The following CSMD3 variants were observed in gnomAD, a reference collection of about 807,000 sequenced individuals.
The protein encoded by CSMD3 is CUB and sushi domain-containing protein 3.
Under a neutral mutation model 435.2 loss-of-function variants are expected in CSMD3, and 177 were observed. That is an observed-to-expected ratio of 0.41 (90% CI 0.36 to 0.46). The LOEUF (loss-of-function observed/expected upper bound fraction) is 0.46, where lower values mean the gene tolerates loss of function less well. Ranked by LOEUF, CSMD3 falls within the 20% of genes least tolerant of loss-of-function variation. CSMD3 has a pLI of 0.34. For missense variants in CSMD3, 4,265 were observed against 4,504.6 expected (o/e 0.95, Z 1.52); for synonymous variants, 1,656 against 1,520.5 (o/e 1.09, Z -2.07).
At chr8:112,779,855 C>G (rs1019177486) in intron 13 of CSMD3, among the ~76,000 whole-genome samples, 22 of 152,052 alleles carry the variant, frequency 1.4e-4, no homozygotes, top group Non-Finnish European at 2.9e-5. Context: ...CTGATCTCCT[C>G]TGCTGTTAAA....
chr8:112,701,441 C>T (rs1024233174), intron 13 of CSMD3, among the ~76,000 whole-genome samples: 3 of 152,064 alleles, frequency 2.0e-5, no homozygotes, highest in African/African-American at 7.2e-5. Flanking sequence ...AATAGCTCAA[C>T]TGAGATTCTA....
At chr8:112,916,759 G>C (rs185256100) in intron 10 of CSMD3, among the ~76,000 whole-genome samples, 2 of 151,948 alleles carry the variant, frequency 1.3e-5, no homozygotes, top group East Asian at 3.9e-4. Context: ...TAGTTGCAAT[G>C]ATCTTATTAC....
intron 16 of CSMD3, among the ~76,000 whole-genome samples, chr8:112,671,422 C>T (rs967168259): frequency 2.0e-5 from 3 of 152,100 alleles, no homozygotes; most frequent in African/African-American, 7.2e-5. Flanking sequence ...AATTATCAAA[C>T]ATAAATGATC....
intron 1 of CSMD3, among the ~76,000 whole-genome samples, chr8:113,336,785 A>G (rs2094078538): frequency 6.6e-6 from 1 of 152,036 alleles, no homozygotes; most frequent in South Asian, 2.1e-4. Flanking sequence ...GTGGGTATGA[A>G]AGTCCAGGAT....
chr8:112,292,844 A>T, intron 54 of CSMD3, 134 bp from the exon 55 acceptor site: 1 of 772,704 alleles, frequency 1.3e-6, no homozygotes. Context: ...CTGGAAATAT[A>T]CGGAAAGTAC....
At position 113,313,133 on chromosome 8, in the gene CSMD3, T is replaced by C. The variant is rs1241006564; in HGVS notation, c.401+1438A>G. 2.6e-5 allele frequency: 4 copies of C among 152,106 alleles called. No homozygotes were observed. In the East Asian group the frequency reaches 5.8e-4, roughly 22 times the overall value. 9.4% of individuals were successfully genotyped at this position (152,106 alleles called of 1,614,324 possible). ...TCGTAATACCTGCAGAACAGTATAA[T>C]GAGATGGCTAGAACCGGCCTTACTA... On this transcript the variant is annotated intron_variant, in intron 2 of 70. Transcript: ENST00000297405.
intron 11 of CSMD3, among the ~76,000 whole-genome samples, chr8:112,849,460 T>C (rs2080423003): frequency 6.6e-6 from 1 of 151,974 alleles, no homozygotes; most frequent in South Asian, 2.1e-4. Context: ...AATTTACATG[T>C]TTATATTGGA....
Position 112,380,472 on chromosome 8 carries a change from A to C in CSMD3, c.6032-16T>G. The stretch of plus-strand genomic sequence containing the variant: ...ATTGTTGTTCCTGAAATGATATATG[A>C]GAAGGCAAGACAATGACCACATAAT... On this transcript the variant is annotated splice_polypyrimidine_tract_variant and intron_variant, in intron 37 of 70. Transcript: ENST00000297405. The C allele has an allele frequency of 7.8e-7, 1 of 1,284,514 alleles. No homozygotes were observed. Among genetic ancestry groups the C allele is most frequent in the South Asian group, 1.2e-5 (1 of 84,346 alleles). 79.6% of individuals were successfully genotyped at this position (1,284,514 alleles called of 1,614,324 possible).
chr8:112,739,300 TC>T (rs1454365659), intron 13 of CSMD3, among the ~76,000 whole-genome samples: 2 of 151,728 alleles, frequency 1.3e-5, no homozygotes, highest in African/African-American at 4.8e-5. Context: ...TTCTGCAGTT[TC>T]CTATTCTTCC....
At chr8:113,210,705 C>T (rs1474790311) in intron 3 of CSMD3, among the ~76,000 whole-genome samples, 1 of 151,840 alleles carries the variant, frequency 6.6e-6, no homozygotes, top group Non-Finnish European at 1.5e-5. Context: ...TGGTGAAACC[C>T]CGTCCCTACT....
chr8:112,731,634 G>A (rs1031988518), intron 13 of CSMD3, among the ~76,000 whole-genome samples: 37 of 151,978 alleles, frequency 2.4e-4, no homozygotes, highest in African/African-American at 8.7e-4. Context: ...GTACTGTAGG[G>A]TAATATCAAA....
At chr8:113,322,736 T>A (rs2093957519) in intron 1 of CSMD3, among the ~76,000 whole-genome samples, 1 of 152,138 alleles carries the variant, frequency 6.6e-6, no homozygotes, top group Non-Finnish European at 1.5e-5. Flanking sequence ...TATGAAAACC[T>A]TCATTTATAC....
intron 32 of CSMD3, among the ~76,000 whole-genome samples, chr8:112,430,689 T>G (rs1813568449): frequency 6.6e-6 from 1 of 152,048 alleles, no homozygotes; most frequent in Admixed American, 6.6e-5. Flanking sequence ...GGAAAAAGCC[T>G]ATGCCAAGCA....
At chr8:113,169,312 G>A (rs1026132460) in intron 4 of CSMD3, among the ~76,000 whole-genome samples, 13 of 152,010 alleles carry the variant, frequency 8.6e-5, no homozygotes, top group Admixed American at 2.6e-4. Context: ...GTAAATATAT[G>A]GTTTAGGTCA....
At chr8:112,655,588 A>C (rs999417534) in intron 18 of CSMD3, among the ~76,000 whole-genome samples, 1 of 152,076 alleles carries the variant, frequency 6.6e-6, no homozygotes, top group African/African-American at 2.4e-5. Context: ...TAGGGGTTAT[A>C]ATGATTCCAA....
chr8:112,957,878 T>C (rs561762852), intron 7 of CSMD3, among the ~76,000 whole-genome samples: 99 of 152,138 alleles, frequency 6.5e-4, no homozygotes, highest in Admixed American at 1.6e-3. Context: ...CCCAAGTAGC[T>C]GGGGTTACAA....
intron 3 of CSMD3, among the ~76,000 whole-genome samples, chr8:113,213,839 A>G (rs1205892531): frequency 6.6e-6 from 1 of 152,050 alleles, no homozygotes; most frequent in Non-Finnish European, 1.5e-5. Flanking sequence ...TCATTTTAAA[A>G]TAGATAATTA....
chr8:112,370,465 GT>G (rs1828281401), intron 38 of CSMD3, among the ~76,000 whole-genome samples: 2 of 152,068 alleles, frequency 1.3e-5, no homozygotes, highest in Non-Finnish European at 2.9e-5. Context: ...GAAAAATAAA[GT>G]CCTTACAATG....
chr8:112,593,631 C>T (rs1831394944), intron 22 of CSMD3, among the ~76,000 whole-genome samples: 1 of 152,062 alleles, frequency 6.6e-6, no homozygotes, highest in African/African-American at 2.4e-5. Flanking sequence ...TATATGTACA[C>T]ATATTGAGAA....
Sources: gnomAD v4.1 joint callset for allele counts (sites outside exome capture counted in the v4.1 genomes callset) on GRCh38, gnomAD v4.1.1 for gene constraint, MANE v1.5 for transcripts, NCBI Gene and HGNC (gene_info 2026-07-23, HGNC 2026-07-21) for gene names.